The following XRRA1 variants were observed in gnomAD, a reference collection of about 807,000 sequenced individuals.
XRRA1 encodes X-ray radiation resistance-associated protein 1.
A neutral mutation model predicts 80.2 loss-of-function variants in XRRA1; 69 were observed. That is an observed-to-expected ratio of 0.86 (90% CI 0.71 to 1.05). The LOEUF (loss-of-function observed/expected upper bound fraction) is 1.05. Among genes scored for constraint, XRRA1 ranks in the 50% least tolerant of loss-of-function variants. The pLI is 0.00. For missense variants in XRRA1, 967 were observed against 976.4 expected, an observed-to-expected ratio of 0.99 and a Z score of 0.13; for synonymous variants, 348 against 389.9, an observed-to-expected ratio of 0.89 and a Z score of 1.27.
rs890980460 is a variant in XRRA1, at chr11:74,843,106, G to A, written c.*94C>T. ...CAGCTGAGCTCTGAGGCCTGTGGCC[G>A]GCTGGTCAACCTTGAGGTGCGGTCC... On this transcript the variant is annotated 3_prime_UTR_variant, in exon 19 of 19. Transcript: ENST00000684022. The A allele has an allele frequency of 3.4e-5, 49 of 1,441,116 alleles. No homozygotes were observed. The African/African-American group carries it at 3.7e-4, about 11-fold the overall frequency. The allele number at this position is 1,441,116 out of a possible 1,614,324, so 89.3% of individuals were successfully genotyped here.
intron 10 of XRRA1, among the ~76,000 whole-genome samples, chr11:74,865,496 A>C (rs1456238984): frequency 6.6e-6 from 1 of 152,070 alleles, no homozygotes; most frequent in African/African-American, 2.4e-5. Context: ...ACATGCAGGC[A>C]GATGTGTGCC....
At chr11:74,888,237 G>A (rs768503198) in intron 10 of XRRA1, among the ~76,000 whole-genome samples, 2 of 152,156 alleles carry the variant, frequency 1.3e-5, no homozygotes, top group African/African-American at 4.8e-5. Context: ...CCAGAGGAAC[G>A]ATCAAGCAGC....
chr11:74,863,771 G>C (rs976572296), intron 10 of XRRA1: 2 of 152,202 alleles, frequency 1.3e-5, no homozygotes, highest in African/African-American at 4.8e-5. Flanking sequence ...ACAGTAATAG[G>C]AGATGGAACA....
At chr11:74,845,414 GA>G (rs2037822055) in intron 15 of XRRA1, 143 bp from the exon 16 acceptor site, 5 of 824,564 alleles carry the variant, frequency 6.1e-6, no homozygotes, top group Non-Finnish European at 9.3e-6. Context: ...GAAGAAAGCA[GA>G]TATAAAAATA....
intron 3 of XRRA1, among the ~76,000 whole-genome samples, chr11:74,938,882 C>A (rs1304798192): frequency 6.6e-6 from 1 of 152,150 alleles, no homozygotes; most frequent in Non-Finnish European, 1.5e-5. Flanking sequence ...TGTCTACCCA[C>A]CTACCTACCT....
Position 74,851,130 on chromosome 11 carries a change from C to T in XRRA1, c.1338G>A (p.Lys446=). Residue 446 remains lysine, a synonymous_variant, in exon 14 of 19, where the codon AAG becomes AAA. Transcript: ENST00000684022. ...GAGACATCAAAACATGATGCTTAGG[C>T]TTTACTATCTTCCTTCGAATTAAGT... ...GIHLIRRKIV[K]PKHHVLMSRK... is the part of the protein sequence containing the mutation. 6.2e-7 allele frequency: 1 copy of T among 1,613,004 alleles called. No homozygotes were observed. Among genetic ancestry groups the T allele is most frequent in the Non-Finnish European group, 8.5e-7 (1 of 1,179,288 alleles).
In XRRA1 at chr11:74,933,829, A is replaced by T. The variant is rs1010041846; in HGVS notation, c.323T>A (p.Ile108Asn). 6.9e-6 allele frequency: 11 copies of T among 1,602,132 alleles called. No homozygotes were observed. Among genetic ancestry groups the T allele is most frequent in the Non-Finnish European group, 9.4e-6 (11 of 1,174,278 alleles). ...CVRKPSDLCT[I>N]NVSGLKFSKA... ...GGAGAACTTCAGGCCACTCACATTA[A>T]TGGTGCACAGATCTGATGGCTTCCT... The change falls in exon 5 of 19, where the codon ATT (isoleucine) becomes AAT (asparagine). Residue 108 changes from isoleucine (I) to asparagine (N), a missense_variant. Transcript: ENST00000684022.
chr11:74,927,589 G>A, intron 6 of XRRA1, 101 bp from the exon 7 acceptor site: 1 of 782,018 alleles, frequency 1.3e-6, no homozygotes, highest in Non-Finnish European at 2.1e-6. Flanking sequence ...GTTAGGCCAG[G>A]CACTGTATAA....
intron 10 of XRRA1, among the ~76,000 whole-genome samples, chr11:74,897,555 A>G (rs2052617598): frequency 6.6e-6 from 1 of 152,078 alleles, no homozygotes; most frequent in African/African-American, 2.4e-5. Flanking sequence ...GCCTACTTCA[A>G]GGCATTTAAT....
chr11:74,872,095 A>G (rs187795383), intron 10 of XRRA1, among the ~76,000 whole-genome samples: 1 of 152,258 alleles, frequency 6.6e-6, no homozygotes, highest in East Asian at 1.9e-4. Context: ...AACCCTGATG[A>G]CTCCACAAAT....
At chr11:74,846,641 T>C (rs1157383288) in intron 15 of XRRA1, among the ~76,000 whole-genome samples, 1 of 92,368 alleles carries the variant, frequency 1.1e-5, no homozygotes, top group African/African-American at 2.7e-5. Flanking sequence ...GGAAATCAAT[T>C]AATATAATAT....
intron 8 of XRRA1, among the ~76,000 whole-genome samples, chr11:74,914,129 G>A (rs183619443): frequency 0.012 from 1,763 of 152,228 alleles, 46 homozygotes; most frequent in African/African-American, 0.04. Context: ...GGGATTACAG[G>A]CGCCCGCCAC....
chr11:74,883,335 T>A (rs507305), intron 10 of XRRA1, among the ~76,000 whole-genome samples: 6 of 152,006 alleles, frequency 3.9e-5, no homozygotes, highest in Non-Finnish European at 8.8e-5. Context: ...CCCCTTGCGC[T>A]TCCCAAGTGA....
At chr11:74,892,163 G>C (rs1276746988) in intron 10 of XRRA1, among the ~76,000 whole-genome samples, 5 of 152,222 alleles carry the variant, frequency 3.3e-5, no homozygotes, top group African/African-American at 1.2e-4. Flanking sequence ...TGTACTACAA[G>C]GCTACAGTAA....
At chr11:74,866,241 A>AT (rs1014314772) in intron 10 of XRRA1, among the ~76,000 whole-genome samples, 4 of 151,726 alleles carry the variant, frequency 2.6e-5, no homozygotes, top group Non-Finnish European at 4.4e-5. Flanking sequence ...GGGTTTTTTT[A>AT]TTTTTTTTGT....
intron 12 of XRRA1, among the ~76,000 whole-genome samples, chr11:74,856,119 G>A (rs1183631289): frequency 5.3e-5 from 8 of 152,154 alleles, no homozygotes; most frequent in African/African-American, 7.2e-5. Flanking sequence ...GCTACAGAGC[G>A]AAACTCCATC....
intron 10 of XRRA1, among the ~76,000 whole-genome samples, chr11:74,889,583 G>A (rs978367069): frequency 3.3e-5 from 5 of 152,170 alleles, no homozygotes; most frequent in African/African-American, 1.2e-4. Context: ...TGGGCTAAAT[G>A]CTCCAATTAA....
rs2038741806 is a variant in XRRA1, at chr11:74,847,995, T to C, written c.1728+120A>G. The C allele has an allele frequency of 4.2e-5, 38 of 914,756 alleles. 1 individual carries two copies. The South Asian group carries it at 6.3e-4, about 15-fold the overall frequency. The allele number at this position is 914,756 out of a possible 1,614,324, so 56.7% of individuals were successfully genotyped here. On this transcript the variant is annotated intron_variant, in intron 15 of 18. Coordinates refer to ENST00000684022, the MANE Select transcript of XRRA1 (RefSeq NM_001378157.1). ...AGCTCCACCAAGGGTGCTGACTTCT[T>C]GTTTCCAGACCTGCCATGTGCTTGT... is the stretch of plus-strand genomic sequence containing the variant.
intron 9 of XRRA1, chr11:74,906,839 T>C (rs773646782): frequency 2.5e-6 from 1 of 396,178 alleles, no homozygotes; most frequent in Non-Finnish European, 4.5e-6. Flanking sequence ...TCTCAATATT[T>C]TAAAAAATTT....
Sources: gnomAD v4.1 joint callset for allele counts (sites outside exome capture counted in the v4.1 genomes callset) on GRCh38, gnomAD v4.1.1 for gene constraint, MANE v1.5 for transcripts, NCBI Gene and HGNC (gene_info 2026-07-23, HGNC 2026-07-21) for gene names.